Variants in KALRN observed in about 807,000 individuals in gnomAD.
The protein encoded by KALRN is kalirin.
In KALRN, 70 loss-of-function variants were observed where a neutral mutation model predicts 353.7. The observed-to-expected ratio is 0.20, with a 90% CI of 0.16 to 0.24. KALRN has a LOEUF of 0.24. KALRN is among the 10% of genes least tolerant of loss of function. KALRN has a pLI of 1.00. For missense variants in KALRN, 2,791 were observed against 3,756.7 expected, an observed-to-expected ratio of 0.74 and a Z score of 6.72; for synonymous variants, 1,391 against 1,434.8, an observed-to-expected ratio of 0.97 and a Z score of 0.69.
At chr3:124,308,192 A>G (rs1375480279) in intron 6 of KALRN, among the ~76,000 whole-genome samples, 1 of 152,058 alleles carries the variant, frequency 6.6e-6, no homozygotes, top group African/African-American at 2.4e-5. Flanking sequence ...ACAGAAATGA[A>G]GCAAGAAATA....
At chr3:124,423,896 C>T (rs1645519369) in intron 15 of KALRN, among the ~76,000 whole-genome samples, 1 of 152,088 alleles carries the variant, frequency 6.6e-6, no homozygotes, top group South Asian at 2.1e-4. Flanking sequence ...ACAAAAAATA[C>T]ATATATTAAG....
rs1354270783 is a variant in KALRN, at chr3:124,721,552, GTT to G, written c.*2085_*2086del. On this transcript the variant is annotated 3_prime_UTR_variant, in exon 60 of 60. Transcript: ENST00000682506. ...TTAGTAAAAAAATTTTAGTAAACAT[GTT>G]TTCATTGTGTTTAAAAAATTTAAAA... 6.6e-6 allele frequency: 1 copy of G among 152,106 alleles called. No homozygotes were observed. Among genetic ancestry groups the G allele is most frequent in the Non-Finnish European group, 1.5e-5 (1 of 67,998 alleles). 9.4% of individuals were successfully genotyped at this position (152,106 alleles called of 1,614,324 possible). A position where few individuals can be genotyped will look rare whatever the true frequency, so the allele number is the denominator to read the frequency against.
chr3:124,304,276 G>A (rs2149255176), intron 6 of KALRN, among the ~76,000 whole-genome samples: 1 of 152,220 alleles, frequency 6.6e-6, no homozygotes, highest in Admixed American at 6.5e-5. Context: ...TATCCAGTAA[G>A]CATTAGTCTT....
intron 33 of KALRN, among the ~76,000 whole-genome samples, chr3:124,520,748 G>A (rs2067096507): frequency 6.6e-6 from 1 of 152,164 alleles, no homozygotes; most frequent in African/African-American, 2.4e-5. Context: ...GGAAGGGGAG[G>A]CAGAACCAGT....
intron 1 of KALRN, among the ~76,000 whole-genome samples, chr3:124,156,757 T>A (rs972423101): frequency 1.3e-5 from 2 of 152,188 alleles, no homozygotes; most frequent in African/African-American, 2.4e-5. Context: ...GTTTTCCCTG[T>A]GCCCAATGAC....
At chr3:124,082,927 T>G (rs915504897) in intron 1 of KALRN, among the ~76,000 whole-genome samples, 21 of 152,264 alleles carry the variant, frequency 1.4e-4, no homozygotes, top group Admixed American at 2.6e-4. Flanking sequence ...TAAACAGACC[T>G]ATCCTAGGTA....
chr3:124,287,413 T>G (rs899876997), intron 5 of KALRN, among the ~76,000 whole-genome samples: 2 of 151,912 alleles, frequency 1.3e-5, no homozygotes, highest in Non-Finnish European at 2.9e-5. Flanking sequence ...CTCAGCCTCC[T>G]TACCAGTCCC....
At chr3:124,057,452 G>T (rs1404040968) in intron 1 of KALRN, among the ~76,000 whole-genome samples, 3 of 152,170 alleles carry the variant, frequency 2.0e-5, no homozygotes, top group Non-Finnish European at 4.4e-5. Flanking sequence ...AGATAAAATG[G>T]TGAAAGCTCA....
intron 1 of KALRN, among the ~76,000 whole-genome samples, chr3:124,169,102 C>T (rs1468606548): frequency 1.3e-5 from 2 of 152,302 alleles, no homozygotes; most frequent in South Asian, 2.1e-4. Flanking sequence ...CTCATGTAAA[C>T]TGGAAATAAT....
intron 1 of KALRN, among the ~76,000 whole-genome samples, chr3:124,132,603 G>T (rs931179734): frequency 1.3e-5 from 2 of 152,214 alleles, no homozygotes; most frequent in Non-Finnish European, 2.9e-5. Context: ...AGGACTTGGG[G>T]AAGGAAGAGG....
chr3:124,512,692 AC>A (rs528794383), intron 33 of KALRN, among the ~76,000 whole-genome samples: 132 of 152,110 alleles, frequency 8.7e-4, no homozygotes, highest in African/African-American at 2.9e-3. Flanking sequence ...TTAAAAAAAA[AC>A]ATGAAGGGGG....
chr3:124,251,956 T>G (rs1006414720), intron 3 of KALRN, among the ~76,000 whole-genome samples: 6 of 152,158 alleles, frequency 3.9e-5, no homozygotes, highest in Non-Finnish European at 7.4e-5. Context: ...TTTAATAGTA[T>G]TATTTGTGTA....
chr3:124,689,862 A>G lies in KALRN; in HGVS notation c.7378-3942A>G, dbSNP rs560828846. Among the ~76,000 whole-genome samples the G allele has an allele frequency of 4.6e-5, 7 of 152,358 alleles. No individual in the cohort carries two copies. In the East Asian group the frequency reaches 1.3e-3, roughly 29 times the overall value. ...GGTTACTACCTTCAAAAGGTTCACA[A>G]GTCTGGTAGGGCAAATACAGTTCAG... is the stretch of plus-strand genomic sequence containing the variant. On this transcript the variant is annotated intron_variant, in intron 51 of 59. Transcript: ENST00000682506.
chr3:124,674,595 A>G lies in KALRN; in HGVS notation c.7174A>G (p.Ser2392Gly), dbSNP rs992438028. 13 of 1,598,954 alleles carry G rather than the reference A, an allele frequency of 8.1e-6. No individual in the cohort carries two copies. The highest frequency in any genetic ancestry group is 5.1e-5 in the Admixed American group (3 of 58,966). Reference protein sequence around the residue: ...APLTKATAAESSDGSIKKSCS... With the variant: ...APLTKATAAEGSDGSIKKSCS... ...CCTCACCAAAGCCACAGCAGCAGAA[A>G]GTAGTGACGGGAGCATCAAGTAAGT... The change falls in exon 49 of 60, where the codon AGT becomes GGT. Residue 2392 changes from serine (S) to glycine (G), a missense_variant. Physicochemically the swap from Ser to Gly is moderately conservative, Grantham distance 56. Transcript: ENST00000682506.
Position 124,461,751 on chromosome 3 carries a change from AGAAAG to A in KALRN, c.3855-134_3855-130del, listed in dbSNP as rs1287170529. ...TTGTAGGAAAGGGAAGGAATTTTGA[AGAAAG>A]GAAAAGACCTGTTGATGAAGTAGAA... On this transcript the variant is annotated intron_variant, in intron 23 of 59. Coordinates refer to ENST00000682506, the MANE Select transcript of KALRN (RefSeq NM_001388419.1). 4.7e-6 allele frequency: 3 copies of A among 633,496 alleles called. No individual in the cohort carries two copies. The African/African-American group carries it at 5.5e-5, about 12-fold the overall frequency. The allele number at this position is 633,496 out of a possible 1,614,324, so 39.2% of individuals were successfully genotyped here.
intron 33 of KALRN, among the ~76,000 whole-genome samples, chr3:124,553,501 T>C (rs1438342303): frequency 6.6e-6 from 1 of 152,256 alleles, no homozygotes. Context: ...TGTTGCACAG[T>C]CCATACAGTA....
At position 124,255,240 on chromosome 3, in the gene KALRN, G is replaced by A. The variant is rs900728053; in HGVS notation, c.264-9258G>A. ...ATTACAGGCATGAGCCACCGTGCCCGGCCTCTAGTATTTTTTTAGTGTTCC... is the reference window on the plus strand; with the variant it reads ...ATTACAGGCATGAGCCACCGTGCCCAGCCTCTAGTATTTTTTTAGTGTTCC... On this transcript the variant is annotated intron_variant, in intron 3 of 59. Coordinates refer to ENST00000682506, the MANE Select transcript of KALRN (RefSeq NM_001388419.1). 5.3e-5 allele frequency among the ~76,000 whole-genome samples: 8 copies of A among 152,204 alleles called. No individual in the cohort carries two copies. The East Asian group carries it at 5.8e-4, about 11-fold the overall frequency.
chr3:124,096,431 G>A (rs1160645831), intron 1 of KALRN, among the ~76,000 whole-genome samples: 1 of 152,104 alleles, frequency 6.6e-6, no homozygotes, highest in Non-Finnish European at 1.5e-5. Flanking sequence ...ATAATAACCG[G>A]GAACTAAGAA....
intron 34 of KALRN, among the ~76,000 whole-genome samples, chr3:124,589,483 C>T (rs1241705656): frequency 6.6e-6 from 1 of 152,164 alleles, no homozygotes. Flanking sequence ...GTCCCAGCTA[C>T]TCGGGAGGTT....
Sources: gnomAD v4.1 joint callset for allele counts (sites outside exome capture counted in the v4.1 genomes callset) on GRCh38, gnomAD v4.1.1 for gene constraint, MANE v1.5 for transcripts, NCBI Gene and HGNC (gene_info 2026-07-23, HGNC 2026-07-21) for gene names.